Variants in GPHN observed in about 807,000 individuals in gnomAD.
GPHN encodes the protein gephyrin.
In GPHN, 17 loss-of-function variants were observed where a neutral mutation model predicts 95.5. That is an observed-to-expected ratio of 0.18 (90% CI 0.12 to 0.27). The LOEUF is 0.27. Ranked by LOEUF, GPHN falls within the 10% of genes least tolerant of loss-of-function variation. GPHN has a pLI of 1.00. For missense variants in GPHN, 660 were observed against 978.1 expected, an observed-to-expected ratio of 0.67 and a Z score of 4.34; for synonymous variants, 320 against 322.5, an observed-to-expected ratio of 0.99 and a Z score of 0.08.
intron 8 of GPHN, among the ~76,000 whole-genome samples, chr14:66,926,656 T>C (rs1450973402): frequency 6.6e-6 from 1 of 152,232 alleles, no homozygotes. Flanking sequence ...ACTATAGCTC[T>C]GTAGTATAAT....
At chr14:67,311,484 T>G in the GPHN span, among the ~76,000 whole-genome samples, 1 of 152,176 alleles carries the variant, frequency 6.6e-6, no homozygotes, top group Non-Finnish European at 1.5e-5. Flanking sequence ...ATTACAAATT[T>G]GTGTGAGATC....
intron 4 of GPHN, among the ~76,000 whole-genome samples, chr14:66,826,419 T>G (rs2061387547): frequency 6.6e-6 from 1 of 152,202 alleles, no homozygotes; most frequent in African/African-American, 2.4e-5. Flanking sequence ...AATTAAATTC[T>G]GACACTACCT....
At chr14:67,682,359 AT>A in the GPHN span, among the ~76,000 whole-genome samples, 2 of 152,204 alleles carry the variant, frequency 1.3e-5, no homozygotes, top group South Asian at 2.1e-4. Context: ...CAAATTATAT[AT>A]CTGACAAGGA....
chr14:67,273,397 T>C, the GPHN span, among the ~76,000 whole-genome samples: 1 of 151,868 alleles, frequency 6.6e-6, no homozygotes, highest in South Asian at 2.1e-4. Flanking sequence ...CTTGTGAAAA[T>C]TTGCTCAGAA....
rs75828414 is a variant in GPHN, at chr14:66,708,288, C to T, written c.143+27103C>T. On this transcript the variant is annotated intron_variant, in intron 2 of 22. Coordinates refer to ENST00000478722, the MANE Select transcript of GPHN (RefSeq NM_020806.5). ...ATCTTCTTACATCCTTCTTTGCCTT[C>T]CAACAATTGTGAATAATAGGACTAG... 9.4e-3 allele frequency among the ~76,000 whole-genome samples: 1,423 copies of T among 152,044 alleles called. 11 individuals are homozygous for T. Among genetic ancestry groups the T allele is most frequent in the Non-Finnish European group, 0.012 (803 of 67,998 alleles).
At chr14:67,476,163 C>T in the GPHN span, among the ~76,000 whole-genome samples, 1 of 152,248 alleles carries the variant, frequency 6.6e-6, no homozygotes, top group African/African-American at 2.4e-5. Flanking sequence ...GTAGTATGCA[C>T]ACCTGTCTGG....
chr14:66,947,638 T>C (rs984859873), intron 8 of GPHN, among the ~76,000 whole-genome samples: 4 of 152,194 alleles, frequency 2.6e-5, no homozygotes, highest in Non-Finnish European at 5.9e-5. Context: ...AAAAGGGATA[T>C]ATTTCGCCAT....
At chr14:66,736,995 C>T (rs1329196204) in intron 2 of GPHN, among the ~76,000 whole-genome samples, 2 of 152,102 alleles carry the variant, frequency 1.3e-5, no homozygotes, top group African/African-American at 4.8e-5. Context: ...GTTTGTTTCT[C>T]CAGTCCTAAA....
At chr14:67,559,468 A>G in the GPHN span, 1 of 617,574 alleles carries the variant, frequency 1.6e-6, no homozygotes, top group Non-Finnish European at 2.9e-6. Context: ...ATCAAATAAT[A>G]TTTCAACAAA....
At chr14:67,453,459 C>T in the GPHN span, among the ~76,000 whole-genome samples, 5 of 152,208 alleles carry the variant, frequency 3.3e-5, no homozygotes, top group Non-Finnish European at 4.4e-5. Flanking sequence ...CTCAGGTACC[C>T]GGGATGCTGA....
the GPHN span, among the ~76,000 whole-genome samples, chr14:67,482,802 C>T: frequency 6.6e-6 from 1 of 152,182 alleles, no homozygotes; most frequent in Non-Finnish European, 1.5e-5. Context: ...TGCAGACTTC[C>T]ACCCTCTTGC....
At chr14:67,398,533 C>T in the GPHN span, among the ~76,000 whole-genome samples, 5 of 151,920 alleles carry the variant, frequency 3.3e-5, no homozygotes, top group Non-Finnish European at 5.9e-5. Context: ...ATTTCTGCCA[C>T]CTGAGAACCA....
chr14:67,547,295 G>C, the GPHN span, among the ~76,000 whole-genome samples: 1 of 152,190 alleles, frequency 6.6e-6, no homozygotes, highest in Non-Finnish European at 1.5e-5. Context: ...GGACCTCTTG[G>C]CAGGAAATCT....
At chr14:67,555,904 A>G in the GPHN span, 1 of 1,611,828 alleles carries the variant, frequency 6.2e-7, no homozygotes, top group East Asian at 2.2e-5. Context: ...AGGGGAGGGG[A>G]TCGGCGGGAA....
intron 19 of GPHN, among the ~76,000 whole-genome samples, chr14:67,164,058 C>T (rs1365052315): frequency 2.0e-5 from 3 of 151,754 alleles, no homozygotes; most frequent in Non-Finnish European, 4.4e-5. Context: ...CACCTGAGGT[C>T]GGGAGTTCAA....
chr14:67,550,241 T>G, the GPHN span, among the ~76,000 whole-genome samples: 482 of 152,122 alleles, frequency 3.2e-3, 1 homozygote, highest in African/African-American at 0.011. Context: ...CAAGCTGGAG[T>G]GCAGTGGCAC....
the GPHN span, chr14:67,615,603 G>A: frequency 3.7e-6 from 2 of 544,886 alleles, no homozygotes; most frequent in Non-Finnish European, 7.2e-6. Context: ...ACTTCTCAGA[G>A]TTTTCTAAGA....
At position 67,155,982 on chromosome 14, in the gene GPHN, C is replaced by T. The variant is rs1265388126; in HGVS notation, c.1837-3433C>T. On this transcript the variant is annotated intron_variant, in intron 18 of 22. Transcript: ENST00000478722. The stretch of plus-strand genomic sequence containing the variant: ...ATTTGTAAAATGCAGGAAAAAAATA[C>T]TGCCAGTAGGGAACTCTATAGTCAT... 2.0e-5 allele frequency among the ~76,000 whole-genome samples: 3 copies of T among 152,090 alleles called. No homozygotes were observed. In the East Asian group the frequency reaches 5.8e-4, roughly 29 times the overall value.
the GPHN span, among the ~76,000 whole-genome samples, chr14:67,455,243 C>A: frequency 6.6e-6 from 1 of 152,322 alleles, no homozygotes; most frequent in South Asian, 2.1e-4. Context: ...AGCCCTGCGG[C>A]CCACCCTCGT....
Sources: allele counts gnomAD v4.1 joint callset (sites outside exome capture counted in the v4.1 genomes callset), GRCh38; gene constraint gnomAD v4.1.1; transcripts MANE v1.5; gene names NCBI Gene and HGNC (gene_info 2026-07-23, HGNC 2026-07-21).